CENPX: variants seen among roughly 807,000 people sequenced by gnomAD.
CENPX encodes the protein centromere protein X, also known as FANCM associated histone fold protein 2.
Under a neutral mutation model 13.2 loss-of-function variants are expected in CENPX, and 13 were observed. The ratio of observed to expected loss-of-function variants is 0.98; its 90% CI spans 0.64 to 1.56. The LOEUF (loss-of-function observed/expected upper bound fraction) is 1.56, where lower values mean the gene tolerates loss of function less well. Ranked by LOEUF, CENPX falls within the 40% of genes most tolerant of loss-of-function variation. The probability of loss-of-function intolerance (pLI) is 0.00; values close to 1 mark genes in which losing one functional copy is unlikely to be tolerated. For synonymous variants in CENPX, 66 were observed against 47.2 expected (o/e 1.40, Z -1.63); for missense variants, 138 against 107.5 (o/e 1.28, Z -1.26).
rs114847933 is a variant in CENPX at position 82,019,062 on chromosome 17, G to A, written c.*143C>T. ...AGTCCTGCCCCTTCTGCACAGGCTG[G>A]AGACTCCCAGAGATCTTGTTTGAAT... On this transcript the variant is annotated 3_prime_UTR_variant, in exon 5 of 5. Coordinates refer to ENST00000392359, the MANE Select transcript of CENPX (RefSeq NM_001271006.2). 1.7e-3 allele frequency: 2,133 copies of A among 1,259,962 alleles called. 35 individuals are homozygous for A. The African/African-American group carries it at 0.03, about 18-fold the overall frequency. The allele number at this position is 1,259,962 out of a possible 1,614,324, so 78.0% of individuals were successfully genotyped here.
At position 82,019,906 on chromosome 17, in the gene CENPX, G is replaced by T; in HGVS notation, c.40C>A (p.Leu14Met). ...TGCAGGTGCAGCAGCCTGCTCACCA[G>T]CTCCTAGAAGGGAGGGGGGTGTCAG... ...AGAGSGFRKE[L>M]VSRLLHLHFK... The change falls in exon 2 of 5, where the codon CTG becomes ATG. Residue 14 changes from leucine (L) to methionine (M), a missense_variant. By Grantham distance (15) the Leu-to-Met change is conservative. Transcript: ENST00000392359. 6.3e-7 allele frequency: 1 copy of T among 1,578,114 alleles called. No individual in the cohort carries two copies.
At chr17:82,019,469 C>A in intron 3 of CENPX, 88 bp from the exon 4 acceptor site, 3 of 1,510,880 alleles carry the variant, frequency 2.0e-6, no homozygotes, top group Non-Finnish European at 2.7e-6. Context: ...CGGTGCCCCC[C>A]CCAACACCCA....
In CENPX at chr17:82,019,221, T is replaced by G; in HGVS notation, c.232-2A>C. Reference sequence around the variant, plus strand: ...CTGAGATCCCTAGAAGTCCAGGAGCTGTGGGGAAGAGAAGCACTTAGGGCC... The same window carrying G: ...CTGAGATCCCTAGAAGTCCAGGAGCGGTGGGGAAGAGAAGCACTTAGGGCC... On this transcript the variant is annotated splice_acceptor_variant, in intron 4 of 4. Transcript: ENST00000392359. LOFTEE classifies it high-confidence loss of function. 1 of 1,588,478 alleles carries G rather than the reference T, an allele frequency of 6.3e-7. No individual in the cohort carries two copies. Among genetic ancestry groups the G allele is most frequent in the Non-Finnish European group, 8.6e-7 (1 of 1,162,736 alleles).
Position 82,019,675 on chromosome 17 carries a change from C to G in CENPX, c.108G>C (p.Gln36His), listed in dbSNP as rs759258728. ...DKTKVSGDAL[Q>H]LMVELLKVFV... ...AGACCTTCAGCAACTCCACCATGAG[C>G]TGCAGCGCGTCCCCGCTCACTGCAA... Residue 36 changes from glutamine (Q) to histidine (H), a missense_variant, in exon 3 of 5, where the codon CAG becomes CAC. Transcript: ENST00000392359. 5.4e-5 allele frequency: 83 copies of G among 1,550,348 alleles called. No individual in the cohort carries two copies. The highest frequency in any genetic ancestry group is 7.1e-5 in the Non-Finnish European group (81 of 1,146,968).
rs2043306455 is a variant in CENPX at position 82,022,522 on chromosome 17, C to T, written c.36+304G>A. 5.6e-6 allele frequency: 3 copies of T among 531,676 alleles called. No homozygotes were observed. In the African/African-American group the frequency reaches 6.1e-5, roughly 11 times the overall value. The allele number at this position is 531,676 out of a possible 1,614,324, so 32.9% of individuals were successfully genotyped here. On this transcript the variant is annotated intron_variant, in intron 1 of 4. Coordinates refer to ENST00000392359, the MANE Select transcript of CENPX (RefSeq NM_001271006.2). ...AGGCTCAGGGCGCAGGGCGGCGGCC[C>T]AGCTCCTCCTCTCTCTTCGCCGGCT...
intron 1 of CENPX, 105 bp downstream of exon 1, chr17:82,022,721 G>A: frequency 7.3e-7 from 1 of 1,369,072 alleles, no homozygotes; most frequent in Non-Finnish European, 1.0e-6. Context: ...CAACCTCAAA[G>A]GCACAGGGGG....
chr17:82,018,882 C>T lies in CENPX; in HGVS notation c.*323G>A, dbSNP rs987243946. 4.8e-5 allele frequency: 18 copies of T among 375,566 alleles called. No homozygotes were observed. The highest frequency in any genetic ancestry group is 7.6e-5 in the Non-Finnish European group (16 of 211,422). 23.3% of individuals were successfully genotyped at this position (375,566 alleles called of 1,614,324 possible). ...AGCTGCTGTTTGTCAAACACACAGGCTACCTGCTGGCCAGGCCTTTCCCAG... is the reference window on the plus strand; with the variant it reads ...AGCTGCTGTTTGTCAAACACACAGGTTACCTGCTGGCCAGGCCTTTCCCAG... On this transcript the variant is annotated 3_prime_UTR_variant, in exon 5 of 5. Coordinates refer to ENST00000392359, the MANE Select transcript of CENPX (RefSeq NM_001271006.2).
Position 82,019,124 on chromosome 17 carries a change from T to A in CENPX, c.*81A>T. ...CCTTCAGGTCCTTCCCTGCCTCTTA[T>A]CAGAGGCCGCTGGAAACACAAGGCC... On this transcript the variant is annotated 3_prime_UTR_variant, in exon 5 of 5. Coordinates refer to ENST00000392359, the MANE Select transcript of CENPX (RefSeq NM_001271006.2). 6.7e-7 allele frequency: 1 copy of A among 1,486,236 alleles called. No homozygotes were observed. Among genetic ancestry groups the A allele is most frequent in the Non-Finnish European group, 8.9e-7 (1 of 1,117,710 alleles). The allele number at this position is 1,486,236 out of a possible 1,614,324, so 92.1% of individuals were successfully genotyped here.
At chr17:82,019,463 G>T in intron 3 of CENPX, 82 bp from the exon 4 acceptor site, 2 of 1,508,340 alleles carry the variant, frequency 1.3e-6, no homozygotes. Flanking sequence ...CTGGGCCGGT[G>T]CCCCCCCCAA....
Position 82,019,220 on chromosome 17 carries a change from C to T in CENPX, c.232-1G>A. ...GCTGAGATCCCTAGAAGTCCAGGAG[C>T]TGTGGGGAAGAGAAGCACTTAGGGC... On this transcript the variant is annotated splice_acceptor_variant, in intron 4 of 4. Transcript: ENST00000392359. LOFTEE classifies it high-confidence loss of function. 6.3e-7 allele frequency: 1 copy of T among 1,588,090 alleles called. No homozygotes were observed. The highest frequency in any genetic ancestry group is 8.6e-7 in the Non-Finnish European group (1 of 1,162,514).
intron 1 of CENPX, among the ~76,000 whole-genome samples, chr17:82,020,263 G>A (rs542512370): frequency 6.6e-6 from 1 of 152,226 alleles, no homozygotes; most frequent in African/African-American, 2.4e-5. Context: ...TCCCATCCCC[G>A]GCAGAGGGCC....
In CENPX at chr17:82,018,936, G is replaced by T. The variant is rs1349612706; in HGVS notation, c.*269C>A. The T allele has an allele frequency of 7.2e-6, 3 of 414,666 alleles. No individual in the cohort carries two copies. The highest frequency in any genetic ancestry group is 1.3e-5 in the Non-Finnish European group (3 of 239,488). 25.7% of individuals were successfully genotyped at this position (414,666 alleles called of 1,614,324 possible). A position where few individuals can be genotyped will look rare whatever the true frequency, so the allele number is the denominator to read the frequency against. ...CTGCCTGTAGGACCCCGGGTGGCATGCACACTATTGTCCCAGGGAGGAGAG... is the reference window on the plus strand; with the variant it reads ...CTGCCTGTAGGACCCCGGGTGGCATTCACACTATTGTCCCAGGGAGGAGAG... On this transcript the variant is annotated 3_prime_UTR_variant, in exon 5 of 5. Coordinates refer to ENST00000392359, the MANE Select transcript of CENPX (RefSeq NM_001271006.2).
rs2043231557 is a variant in CENPX, at chr17:82,019,357, T to G, written c.167A>C (p.Gln56Pro). The G allele has an allele frequency of 5.7e-6, 9 of 1,566,582 alleles. No homozygotes were observed. The highest frequency in any genetic ancestry group is 6.9e-6 in the Non-Finnish European group (8 of 1,158,088). Residue 56 changes from glutamine (Q) to proline (P), a missense_variant, in exon 4 of 5, where the codon CAG becomes CCG. Transcript: ENST00000392359. ...VVEAAVRGVR[Q>P]AQAEDALRVD... ...ACGGAGCGCGTCTTCTGCCTGGGCC[T>G]GCCGCACGCCGCGGACTGCTGCTTC... is the stretch of plus-strand genomic sequence containing the variant.
chr17:82,021,244 C>G (rs1945001829), intron 1 of CENPX, among the ~76,000 whole-genome samples: 1 of 152,236 alleles, frequency 6.6e-6, no homozygotes, highest in Admixed American at 6.5e-5. Context: ...TGTCCAGCAT[C>G]CCGGCTCGTC....
rs574001339 is a variant in CENPX at position 82,019,854 on chromosome 17, G to A, written c.88+4C>T. On this transcript the variant is annotated splice_donor_region_variant and intron_variant, in intron 2 of 4. Transcript: ENST00000392359. ...CCACCTCCCGCCCGCACCCCCACCC[G>A]CACCTTTGGTCTTGTCATCCTTGAA... 55 of 686,562 alleles carry A rather than the reference G, an allele frequency of 8.0e-5. No homozygotes were observed. Among genetic ancestry groups the A allele is most frequent in the Middle Eastern group, 2.8e-4 (1 of 3,516 alleles). The allele number at this position is 686,562 out of a possible 1,614,324, so 42.5% of individuals were successfully genotyped here. A position where few individuals can be genotyped will look rare whatever the true frequency, so the allele number is the denominator to read the frequency against.
Position 82,019,648 on chromosome 17 carries a change from G to T in CENPX, c.135C>A (p.Phe45Leu). 6.5e-7 allele frequency: 1 copy of T among 1,550,294 alleles called. No individual in the cohort carries two copies. The highest frequency in any genetic ancestry group is 8.7e-7 in the Non-Finnish European group (1 of 1,146,960). ...LQLMVELLKV[F>L]VVEAAVRGVR... The stretch of plus-strand genomic sequence containing the variant: ...CGTGGGCCCTGGGCTCACCCACAAC[G>T]AAGACCTTCAGCAACTCCACCATGA... The change falls in exon 3 of 5, where the codon TTC becomes TTA. Residue 45 changes from phenylalanine to leucine, a missense_variant. Coordinates refer to ENST00000392359, the MANE Select transcript of CENPX (RefSeq NM_001271006.2).
At chr17:82,022,767 A>T in intron 1 of CENPX, 59 bp downstream of exon 1, 1 of 1,526,810 alleles carries the variant, frequency 6.5e-7, no homozygotes, top group Non-Finnish European at 8.8e-7. Context: ...TCACAGTGTC[A>T]CGCGTGAGGT....
At chr17:82,022,795 G>T in intron 1 of CENPX, 31 bp downstream of exon 1, 2 of 1,562,640 alleles carry the variant, frequency 1.3e-6, no homozygotes, top group Non-Finnish European at 1.7e-6. Context: ...GAGCGTCCGC[G>T]CCTGCCTAGC....
rs758997627 is a variant in CENPX at position 82,022,844 on chromosome 17, A to G, written c.18T>C (p.Ala6=). MEGAG[A]GSGFRKELVS... is the part of the protein sequence containing the mutation. Reference sequence around the variant, plus strand: ...CCCTCACCTTCCGGAAGCCGGATCCAGCTCCTGCTCCCTCCATGACCGCAG... The same window carrying G: ...CCCTCACCTTCCGGAAGCCGGATCCGGCTCCTGCTCCCTCCATGACCGCAG... The change falls in exon 1 of 5, where the codon GCT becomes GCC. Residue 6 remains alanine, a synonymous_variant. Transcript: ENST00000392359. 2 of 1,593,218 alleles carry G rather than the reference A, an allele frequency of 1.3e-6. No homozygotes were observed. Among genetic ancestry groups the G allele is most frequent in the African/African-American group, 1.3e-5 (1 of 74,728 alleles).
Sources: allele counts gnomAD v4.1 joint callset (sites outside exome capture counted in the v4.1 genomes callset), GRCh38; gene constraint gnomAD v4.1.1; transcripts MANE v1.5; gene names NCBI Gene and HGNC (gene_info 2026-07-23, HGNC 2026-07-21).